Variants in RALYL observed in about 807,000 individuals in gnomAD.
RALYL encodes the protein RALY RNA binding protein like.
A neutral mutation model predicts 35.1 loss-of-function variants in RALYL; 29 were observed. The observed-to-expected ratio is 0.83, with a 90% CI of 0.61 to 1.13. The LOEUF (loss-of-function observed/expected upper bound fraction) is 1.13, where lower values mean the gene tolerates loss of function less well. RALYL is among the 50% of genes most tolerant of loss of function. RALYL has a pLI of 0.00. For missense variants in RALYL, 359 were observed against 360.4 expected, an observed-to-expected ratio of 1.00 and a Z score of 0.03; for synonymous variants, 120 against 127.6, an observed-to-expected ratio of 0.94 and a Z score of 0.40.
At chr8:84,234,092 TATAA>T (rs1825948988) in intron 1 of RALYL, among the ~76,000 whole-genome samples, 3 of 152,298 alleles carry the variant, frequency 2.0e-5, no homozygotes, top group Admixed American at 2.0e-4. Flanking sequence ...TGGAATGAAG[TATAA>T]ACATAAATAT....
intron 2 of RALYL, among the ~76,000 whole-genome samples, chr8:84,634,179 A>G (rs1254104044): frequency 6.6e-6 from 1 of 151,888 alleles, no homozygotes; most frequent in African/African-American, 2.4e-5. Context: ...AAGAGTACAC[A>G]TTATAACATG....
At chr8:84,314,958 G>C (rs1457200691) in intron 1 of RALYL, among the ~76,000 whole-genome samples, 1 of 152,142 alleles carries the variant, frequency 6.6e-6, no homozygotes, top group East Asian at 1.9e-4. Flanking sequence ...TCACTCTTTG[G>C]TGCATAACTT....
intron 7 of RALYL, among the ~76,000 whole-genome samples, chr8:84,874,679 G>T (rs6984478): frequency 0.46 from 69,213 of 152,090 alleles, 18,670 homozygotes; most frequent in African/African-American, 0.74. Flanking sequence ...AGAAGCACAT[G>T]TGAGGTGGTA....
intron 1 of RALYL, among the ~76,000 whole-genome samples, chr8:84,469,847 T>C (rs13249757): frequency 0.41 from 61,646 of 151,946 alleles, 12,556 homozygotes; most frequent in South Asian, 0.53. Flanking sequence ...CGTGGTGCGC[T>C]GTTTTTTAAG....
intron 1 of RALYL, among the ~76,000 whole-genome samples, chr8:84,325,967 C>T (rs1228592842): frequency 6.6e-6 from 1 of 152,026 alleles, no homozygotes; most frequent in Non-Finnish European, 1.5e-5. Flanking sequence ...AAAAACTTAG[C>T]TGGGTGTGGT....
intron 1 of RALYL, among the ~76,000 whole-genome samples, chr8:84,365,661 G>A (rs942091217): frequency 1.3e-5 from 2 of 152,126 alleles, no homozygotes; most frequent in Admixed American, 6.5e-5. Flanking sequence ...AAGTTTTAAG[G>A]TTTGGTGAAT....
At chr8:84,440,726 A>G (rs1441664809) in intron 1 of RALYL, among the ~76,000 whole-genome samples, 1 of 152,028 alleles carries the variant, frequency 6.6e-6, no homozygotes, top group Non-Finnish European at 1.5e-5. Context: ...ATTCTGTTAT[A>G]TGGATATGAC....
intron 1 of RALYL, among the ~76,000 whole-genome samples, chr8:84,527,379 CTCTGTAAACCACAGG>C: frequency 6.6e-6 from 1 of 152,300 alleles, no homozygotes; most frequent in South Asian, 2.1e-4. Flanking sequence ...GACCACCGGG[CTCTGTAAACCACAGG>C]TCTGATCTAA....
At chr8:84,541,177 A>G (rs1331567673) in intron 2 of RALYL, among the ~76,000 whole-genome samples, 3 of 151,342 alleles carry the variant, frequency 2.0e-5, no homozygotes, top group Non-Finnish European at 4.4e-5. Context: ...TCCTAACTTC[A>G]TGAATGAAGA....
In RALYL at chr8:84,651,865, A is replaced by C. The variant is rs557417936; in HGVS notation, c.256+122288A>C. Among the ~76,000 whole-genome samples the C allele has an allele frequency of 1.5e-3, 235 of 152,160 alleles. 2 individuals are homozygous for C. Among genetic ancestry groups the C allele is most frequent in the Non-Finnish European group, 4.3e-4 (29 of 67,962 alleles). On this transcript the variant is annotated intron_variant, in intron 2 of 8. Transcript: ENST00000521268. ...GTAGATAAAGCCTGTGAAAGAAAAGAGCAGATCAATTGGATTAGGATAATT... is the reference window on the plus strand; with the variant it reads ...GTAGATAAAGCCTGTGAAAGAAAAGCGCAGATCAATTGGATTAGGATAATT...
At chr8:84,311,212 TA>T (rs1842760184) in intron 1 of RALYL, among the ~76,000 whole-genome samples, 2 of 151,478 alleles carry the variant, frequency 1.3e-5, no homozygotes, top group Admixed American at 6.6e-5. Context: ...AAAAAACCTT[TA>T]AAAAGTCCCA....
intron 2 of RALYL, among the ~76,000 whole-genome samples, chr8:84,646,130 C>T (rs1476386563): frequency 6.6e-6 from 1 of 151,834 alleles, no homozygotes; most frequent in East Asian, 1.9e-4. Context: ...ACATCCTTTA[C>T]TTAGCTTCCA....
intron 5 of RALYL, 42 bp downstream of exon 5, chr8:84,850,069 A>G (rs755219851): frequency 1.7e-6 from 2 of 1,173,340 alleles, no homozygotes; most frequent in Non-Finnish European, 1.2e-6. Flanking sequence ...GACTTAAATT[A>G]TCTTTTAACC....
At chr8:84,696,151 G>A (rs986254884) in intron 2 of RALYL, among the ~76,000 whole-genome samples, 5 of 151,364 alleles carry the variant, frequency 3.3e-5, no homozygotes, top group Non-Finnish European at 7.4e-5. Flanking sequence ...TCAACCAGAT[G>A]ACAAAATTTA....
chr8:84,234,865 A>C (rs1056880265), intron 1 of RALYL, among the ~76,000 whole-genome samples: 4 of 151,856 alleles, frequency 2.6e-5, no homozygotes, highest in African/African-American at 9.7e-5. Flanking sequence ...CCCAGGTTCA[A>C]GTGATTCTCC....
chr8:84,620,544 C>T (rs1821096888), intron 2 of RALYL, among the ~76,000 whole-genome samples: 1 of 152,060 alleles, frequency 6.6e-6, no homozygotes, highest in African/African-American at 2.4e-5. Context: ...TTTGAATGTC[C>T]TCCCGTAGCT....
At position 84,469,820 on chromosome 8, in the gene RALYL, G is replaced by C. The variant is rs963920984; in HGVS notation, c.-23-59479G>C. Among the ~76,000 whole-genome samples, 10 of 152,264 alleles carry C rather than the reference G, an allele frequency of 6.6e-5. No homozygotes were observed. The East Asian group carries it at 1.9e-3, about 29-fold the overall frequency. Reference sequence around the variant, plus strand: ...CGTGGGCATAGGACCCTCCGAGCCAGGTGCGGGATATAATCTCGTGGTGCG... The same window carrying C: ...CGTGGGCATAGGACCCTCCGAGCCACGTGCGGGATATAATCTCGTGGTGCG... On this transcript the variant is annotated intron_variant, in intron 1 of 8. Coordinates refer to ENST00000521268, the MANE Select transcript of RALYL (RefSeq NM_173848.7).
At chr8:84,581,506 T>C (rs1238645881) in intron 2 of RALYL, among the ~76,000 whole-genome samples, 1 of 152,196 alleles carries the variant, frequency 6.6e-6, no homozygotes, top group Non-Finnish European at 1.5e-5. Flanking sequence ...CGTTAACTGA[T>C]ACATGTTAAG....
intron 8 of RALYL, among the ~76,000 whole-genome samples, chr8:84,895,447 G>T (rs1226722457): frequency 6.6e-6 from 1 of 151,472 alleles, no homozygotes; most frequent in Admixed American, 6.6e-5. Flanking sequence ...GAAAAACTTT[G>T]CCAAGTCTTT....
Sources: gnomAD v4.1 joint callset for allele counts (sites outside exome capture counted in the v4.1 genomes callset) on GRCh38, gnomAD v4.1.1 for gene constraint, MANE v1.5 for transcripts, NCBI Gene and HGNC (gene_info 2026-07-23, HGNC 2026-07-21) for gene names.